The following TACC2 variants were observed in gnomAD, a reference collection of about 807,000 sequenced individuals.
TACC2 encodes the protein transforming acidic coiled-coil-containing protein 2.
In TACC2, 137 loss-of-function variants were observed where a neutral mutation model predicts 227.3. The ratio of observed to expected loss-of-function variants is 0.60; its 90% CI spans 0.52 to 0.69. TACC2 has a LOEUF of 0.69. Among genes scored for constraint, TACC2 ranks in the 30% least tolerant of loss-of-function variants. The pLI is 0.00. For missense variants in TACC2, 3,470 were observed against 3,694.4 expected (o/e 0.94, Z 1.57); for synonymous variants, 1,523 against 1,487.5 (o/e 1.02, Z -0.55).
At chr10:122,126,264 T>G (rs754406928) in intron 5 of TACC2, among the ~76,000 whole-genome samples, 10 of 151,988 alleles carry the variant, frequency 6.6e-5, no homozygotes, top group Non-Finnish European at 1.2e-4. Flanking sequence ...TTTATTTAGG[T>G]CTAAATGGAT....
Position 122,211,284 on chromosome 10 carries a change from A to G in TACC2, c.6859A>G (p.Lys2287Glu). 2 of 1,614,106 alleles carry G rather than the reference A, an allele frequency of 1.2e-6. No homozygotes were observed. The highest frequency in any genetic ancestry group is 1.7e-6 in the Non-Finnish European group (2 of 1,180,008). ...CCAGCAGGAAAACCCCCCTCCTACCAAAAAGATAGGCAAAAAGCCAGTTGC... is the reference window on the plus strand; with the variant it reads ...CCAGCAGGAAAACCCCCCTCCTACCGAAAAGATAGGCAAAAAGCCAGTTGC... The part of the protein sequence containing the change: ...DNQQENPPPT[K>E]KIGKKPVAKM... Residue 2287 changes from lysine to glutamate, a missense_variant, in exon 9 of 23, where the codon AAA becomes GAA. Physicochemically the swap from Lys to Glu is moderately conservative, Grantham distance 56. Around this residue, in one of 10 missense-constraint regions of TACC2, gnomAD observed 593 missense variants for 636.6 expected, o/e 0.93. Coordinates refer to ENST00000369005, the MANE Select transcript of TACC2 (RefSeq NM_206862.4).
At chr10:122,248,561 G>T (rs2096180982) in intron 19 of TACC2, 82 bp from the exon 20 acceptor site, 2 of 1,543,230 alleles carry the variant, frequency 1.3e-6, no homozygotes, top group Non-Finnish European at 1.8e-6. Flanking sequence ...AGGCTGAGTT[G>T]CATCTGAGGC....
At chr10:122,185,262 G>A (rs2094144631) in intron 7 of TACC2, among the ~76,000 whole-genome samples, 1 of 151,418 alleles carries the variant, frequency 6.6e-6, no homozygotes, top group Non-Finnish European at 1.5e-5. Context: ...CGCGATCTTG[G>A]CTCACTACAA....
chr10:122,083,247 C>A lies in TACC2; in HGVS notation c.747C>A (p.Thr249=). The A allele has an allele frequency of 1.2e-6, 2 of 1,613,482 alleles. No homozygotes were observed. Among genetic ancestry groups the A allele is most frequent in the Non-Finnish European group, 1.7e-6 (2 of 1,179,958 alleles). The part of the protein sequence containing the change: ...SRQGVASVQV[T]PEAPAAAQQG... ...AGGGGGTGGCTTCTGTGCAAGTGACCCCTGAGGCCCCTGCTGCAGCCCAGC... is the reference window on the plus strand; with the variant it reads ...AGGGGGTGGCTTCTGTGCAAGTGACACCTGAGGCCCCTGCTGCAGCCCAGC... Residue 249 remains threonine, a synonymous_variant, in exon 4 of 23, where the codon ACC becomes ACA. Transcript: ENST00000369005.
At chr10:122,124,386 C>G (rs1358062023) in intron 5 of TACC2, among the ~76,000 whole-genome samples, 4 of 152,198 alleles carry the variant, frequency 2.6e-5, no homozygotes, top group African/African-American at 9.7e-5. Flanking sequence ...GCTCCACTGC[C>G]TGCATTTCTT....
intron 1 of TACC2, among the ~76,000 whole-genome samples, chr10:122,010,647 T>C (rs1955808182): frequency 6.6e-6 from 1 of 152,036 alleles, no homozygotes; most frequent in Non-Finnish European, 1.5e-5. Flanking sequence ...ATTTCAACAG[T>C]GGAGAGGGAT....
intron 5 of TACC2, among the ~76,000 whole-genome samples, chr10:122,107,930 T>C (rs2137877093): frequency 6.8e-6 from 1 of 147,672 alleles, no homozygotes; most frequent in Non-Finnish European, 1.5e-5. Flanking sequence ...GTCTCACTGT[T>C]GCCCAGACTG....
intron 8 of TACC2, among the ~76,000 whole-genome samples, chr10:122,201,725 C>T (rs2094860925): frequency 6.6e-6 from 1 of 152,172 alleles, no homozygotes; most frequent in South Asian, 2.1e-4. Context: ...GTGGCTCAGC[C>T]CATTATCCTC....
At chr10:122,000,174 G>C (rs1489352634) in intron 1 of TACC2, among the ~76,000 whole-genome samples, 1 of 152,092 alleles carries the variant, frequency 6.6e-6, no homozygotes, top group South Asian at 2.1e-4. Context: ...GGCGGATCAC[G>C]AGGTCAGGAG....
At chr10:122,198,215 C>T (rs1224001233) in intron 8 of TACC2, among the ~76,000 whole-genome samples, 2 of 152,202 alleles carry the variant, frequency 1.3e-5, no homozygotes, top group Non-Finnish European at 2.9e-5. Context: ...TGAGCCTGTC[C>T]TGAGGGCTGT....
rs556529935 is a variant in TACC2, at chr10:122,143,659, A to G, written c.5787A>G (p.Val1929=). 6.2e-7 allele frequency: 1 copy of G among 1,614,154 alleles called. No homozygotes were observed. Among genetic ancestry groups the G allele is most frequent in the East Asian group, 2.2e-5 (1 of 44,888 alleles). The change falls in exon 7 of 23, where the codon GTA becomes GTG. Residue 1929 remains valine, a synonymous_variant. Transcript: ENST00000369005. ...VSPSAPAGDR[V]EASTPSCPDP... ...CATCTGCCCCAGCTGGTGACAGAGTAGAAGCTTCCACTCCCTCCTGCCCAG... is the reference window on the plus strand; with the variant it reads ...CATCTGCCCCAGCTGGTGACAGAGTGGAAGCTTCCACTCCCTCCTGCCCAG...
intron 5 of TACC2, among the ~76,000 whole-genome samples, chr10:122,130,106 T>C (rs768855841): frequency 5.9e-5 from 9 of 152,218 alleles, no homozygotes; most frequent in Non-Finnish European, 1.2e-4. Context: ...CAAGTGATTC[T>C]TGTGCCTCAG....
chr10:122,071,741 T>C (rs1015070964), intron 3 of TACC2, among the ~76,000 whole-genome samples: 1 of 135,814 alleles, frequency 7.4e-6, no homozygotes. Flanking sequence ...AAAAAAGTGA[T>C]CTGGGCGTGG....
intron 7 of TACC2, among the ~76,000 whole-genome samples, chr10:122,166,097 A>G (rs1282128353): frequency 6.6e-6 from 1 of 152,226 alleles, no homozygotes; most frequent in African/African-American, 2.4e-5. Flanking sequence ...TTGTAAGATG[A>G]TGCCGTCAGG....
At chr10:122,147,301 C>T (rs536351656) in intron 7 of TACC2, among the ~76,000 whole-genome samples, 2 of 152,110 alleles carry the variant, frequency 1.3e-5, no homozygotes, top group Admixed American at 1.3e-4. Flanking sequence ...CCCGCCACTA[C>T]GCCTGGCTAA....
chr10:122,048,415 C>CCGTT (rs1554979445), intron 2 of TACC2, among the ~76,000 whole-genome samples: 1 of 131,340 alleles, frequency 7.6e-6, no homozygotes, highest in Non-Finnish European at 1.6e-5. Context: ...CTCCCTCCCT[C>CCGTT]CCTTCCTTCC....
In TACC2 at chr10:122,210,442, A is replaced by C; in HGVS notation, c.6017A>C (p.Asp2006Ala). ...CCTGTCCCTGATGGCCCACGGAGCG[A>C]CTCGGTGGAAGGAAGTCCCTTCCGT... is the stretch of plus-strand genomic sequence containing the variant. Reference protein sequence around the residue: ...TVPVPDGPRSDSVEGSPFRPP... With the variant: ...TVPVPDGPRSASVEGSPFRPP... Residue 2006 changes from aspartate (D) to alanine (A), a missense_variant, in exon 9 of 23, where the codon GAC becomes GCC. Around this residue, in one of 10 missense-constraint regions of TACC2, gnomAD observed 593 missense variants for 636.6 expected, o/e 0.93. Transcript: ENST00000369005. This position sits in a 1 kb window ranked among gnomAD's most constrained non-coding sequence, Gnocchi z 4.6. 1 of 1,613,654 alleles carries C rather than the reference A, an allele frequency of 6.2e-7. No homozygotes were observed. Among genetic ancestry groups the C allele is most frequent in the Non-Finnish European group, 8.5e-7 (1 of 1,179,918 alleles).
intron 7 of TACC2, among the ~76,000 whole-genome samples, chr10:122,156,001 C>G (rs1162682641): frequency 1.3e-5 from 2 of 151,610 alleles, no homozygotes; most frequent in Admixed American, 6.6e-5. Flanking sequence ...CCACGCCCGG[C>G]TAATTTTTTG....
In TACC2 at chr10:122,105,084, G is replaced by A. The variant is rs551968073; in HGVS notation, c.5573+16493G>A. ...AAGTTCATGCTGTCTGGCATGCATG[G>A]GTGCCCCTAACAGGACGCTCCGTGA... On this transcript the variant is annotated intron_variant, in intron 5 of 22. Coordinates refer to ENST00000369005, the MANE Select transcript of TACC2 (RefSeq NM_206862.4). Among the ~76,000 whole-genome samples the A allele has an allele frequency of 5.3e-5, 8 of 152,300 alleles. 1 individual carries two copies. The South Asian group carries it at 1.7e-3, about 32-fold the overall frequency.
Sources: gnomAD v4.1 joint callset for allele counts (sites outside exome capture counted in the v4.1 genomes callset) on GRCh38, gnomAD v4.1.1 for gene constraint, gnomAD v4.1.1 regional missense constraint, Gnocchi (gnomAD v3.1) non-coding constraint, MANE v1.5 for transcripts, NCBI Gene and HGNC (gene_info 2026-07-23, HGNC 2026-07-21) for gene names.